TFB2M: variants seen among roughly 807,000 people sequenced by gnomAD.
TFB2M encodes dimethyladenosine transferase 2, mitochondrial.
Under a neutral mutation model 41.3 loss-of-function variants are expected in TFB2M, and 44 were observed. That is an observed-to-expected ratio of 1.07 (90% CI 0.84 to 1.37). The LOEUF is 1.37. Among genes scored for constraint, TFB2M ranks in the 40% most tolerant of loss-of-function variants. The probability of loss-of-function intolerance (pLI) is 0.00; values close to 1 mark genes in which losing one functional copy is unlikely to be tolerated. For synonymous variants in TFB2M, 188 were observed against 176.8 expected (o/e 1.06, Z -0.50); for missense variants, 496 against 490.2 (o/e 1.01, Z -0.11).
At chr1:246,556,062 A>G (rs374088351) in intron 4 of TFB2M, among the ~76,000 whole-genome samples, 1 of 152,202 alleles carries the variant, frequency 6.6e-6, no homozygotes, top group East Asian at 1.9e-4. Flanking sequence ...GAGTGCTGGG[A>G]TTACAGGAGT....
At chr1:246,542,451 C>G (rs1658886899) in intron 7 of TFB2M, among the ~76,000 whole-genome samples, 1 of 151,954 alleles carries the variant, frequency 6.6e-6, no homozygotes, top group Non-Finnish European at 1.5e-5. Flanking sequence ...GTGGGAGGAT[C>G]ATTTGAGCCC....
At chr1:246,551,964 T>C (rs1659197523) in intron 4 of TFB2M, among the ~76,000 whole-genome samples, 1 of 152,216 alleles carries the variant, frequency 6.6e-6, no homozygotes, top group Non-Finnish European at 1.5e-5. Flanking sequence ...ATTTACTAAA[T>C]GGGTCTGGGG....
At chr1:246,565,375 C>T (rs989993491) in intron 1 of TFB2M, among the ~76,000 whole-genome samples, 2 of 152,188 alleles carry the variant, frequency 1.3e-5, no homozygotes, top group Non-Finnish European at 2.9e-5. Flanking sequence ...ACAGACTCTA[C>T]GCTTATGTAG....
At chr1:246,548,450 A>T (rs1659081581) in intron 6 of TFB2M, 95 bp downstream of exon 6, 1 of 1,027,686 alleles carries the variant, frequency 9.7e-7, no homozygotes, top group Non-Finnish European at 1.4e-6. Flanking sequence ...TTAAAATTAA[A>T]AAGTTAAATA....
At chr1:246,550,529 C>A (rs1303874082) in intron 5 of TFB2M, among the ~76,000 whole-genome samples, 1 of 152,140 alleles carries the variant, frequency 6.6e-6, no homozygotes, top group Non-Finnish European at 1.5e-5. Flanking sequence ...AAGACCTCAG[C>A]ATATTCTCAG....
chr1:246,546,132 C>A (rs1223504566), intron 6 of TFB2M, among the ~76,000 whole-genome samples: 1 of 139,284 alleles, frequency 7.2e-6, no homozygotes, highest in Non-Finnish European at 1.6e-5. Flanking sequence ...CTGGGCAACA[C>A]AGGGAGACTC....
intron 2 of TFB2M, 109 bp downstream of exon 2, chr1:246,564,237 T>A: frequency 1.2e-6 from 1 of 864,734 alleles, no homozygotes; most frequent in East Asian, 2.7e-5. Flanking sequence ...CAGAGATGGC[T>A]CCCTAAAAGA....
Position 246,540,883 on chromosome 1 carries a change from G to A in TFB2M, c.*148C>T, listed in dbSNP as rs1658833713. On this transcript the variant is annotated 3_prime_UTR_variant, in exon 8 of 8. Transcript: ENST00000366514. The stretch of plus-strand genomic sequence containing the variant: ...ACACTGTTTCATCCAATAAGCCAAT[G>A]ATATCAGCTTAGGAGAAATGATCTG... 3 of 605,884 alleles carry A rather than the reference G, an allele frequency of 5.0e-6. No individual in the cohort carries two copies. Among genetic ancestry groups the A allele is most frequent in the Admixed American group, 3.6e-5 (1 of 27,894 alleles). 37.5% of individuals were successfully genotyped at this position (605,884 alleles called of 1,614,324 possible).
chr1:246,554,349 C>G (rs371895135), intron 4 of TFB2M, among the ~76,000 whole-genome samples: 2 of 152,180 alleles, frequency 1.3e-5, no homozygotes, highest in Non-Finnish European at 2.9e-5. Context: ...CTGGGCCACA[C>G]AGCAGGAAGT....
intron 2 of TFB2M, among the ~76,000 whole-genome samples, chr1:246,557,742 G>A (rs558302770): frequency 2.7e-5 from 4 of 150,690 alleles, no homozygotes; most frequent in African/African-American, 7.3e-5. Context: ...GCGCCATCTC[G>A]GCTCACTGCA....
chr1:246,554,674 TAATAGA>T (rs1459399401), intron 4 of TFB2M, among the ~76,000 whole-genome samples: 1 of 152,132 alleles, frequency 6.6e-6, no homozygotes, highest in Non-Finnish European at 1.5e-5. Flanking sequence ...AATGTAATAA[TAATAGA>T]AATAAAGTGC....
intron 6 of TFB2M, among the ~76,000 whole-genome samples, chr1:246,547,958 T>A (rs1659068708): frequency 6.6e-6 from 1 of 151,718 alleles, no homozygotes; most frequent in Non-Finnish European, 1.5e-5. Flanking sequence ...TTTTTTTTTT[T>A]TTTTTTTGAG....
intron 5 of TFB2M, among the ~76,000 whole-genome samples, chr1:246,550,688 A>G (rs1659150633): frequency 1.3e-5 from 2 of 152,334 alleles, no homozygotes; most frequent in Middle Eastern, 6.8e-3. Flanking sequence ...GCTCAAGGCC[A>G]GCCTGGCCAA....
chr1:246,551,381 T>C (rs911201599), intron 4 of TFB2M, 79 bp from the exon 5 acceptor site: 8 of 977,676 alleles, frequency 8.2e-6, no homozygotes, highest in Non-Finnish European at 1.3e-5. Flanking sequence ...TTAATAGGAC[T>C]ATCTTAATGG....
At chr1:246,554,458 G>T (rs771158227) in intron 4 of TFB2M, among the ~76,000 whole-genome samples, 1 of 151,942 alleles carries the variant, frequency 6.6e-6, no homozygotes, top group South Asian at 2.1e-4. Context: ...ATCAGCAGCC[G>T]CCTTAGATTC....
intron 2 of TFB2M, 47 bp downstream of exon 2, chr1:246,564,299 A>G (rs773894982): frequency 7.2e-6 from 11 of 1,535,372 alleles, no homozygotes; most frequent in Admixed American, 5.0e-5. Context: ...AACCACTCAC[A>G]GATAGTTGAA....
At chr1:246,553,738 G>A (rs930876093) in intron 4 of TFB2M, among the ~76,000 whole-genome samples, 14 of 152,168 alleles carry the variant, frequency 9.2e-5, no homozygotes, top group African/African-American at 3.4e-4. Context: ...TCGTGGATTG[G>A]AAGATTTAAT....
intron 7 of TFB2M, among the ~76,000 whole-genome samples, chr1:246,541,974 C>T (rs1018392519): frequency 2.0e-5 from 3 of 152,148 alleles, no homozygotes; most frequent in African/African-American, 4.8e-5. Context: ...GTTGCTTGAA[C>T]ATCTTACAGA....
intron 4 of TFB2M, among the ~76,000 whole-genome samples, chr1:246,554,408 C>T (rs1659266026): frequency 6.6e-6 from 1 of 152,146 alleles, no homozygotes; most frequent in Non-Finnish European, 1.5e-5. Flanking sequence ...TAGCCGCTCC[C>T]CACCGTTCAC....
Sources: allele counts gnomAD v4.1 joint callset (sites outside exome capture counted in the v4.1 genomes callset), GRCh38; gene constraint gnomAD v4.1.1; transcripts MANE v1.5; gene names NCBI Gene and HGNC (gene_info 2026-07-23, HGNC 2026-07-21).